The following PRODH2 variants were observed in gnomAD, a reference collection of about 807,000 sequenced individuals.
PRODH2 encodes proline dehydrogenase 2, also known as hydroxyproline dehydrogenase.
PRODH2 carries 49 observed loss-of-function variants against 51.9 expected under a neutral mutation model. The ratio of observed to expected loss-of-function variants is 0.94; its 90% CI spans 0.75 to 1.20. PRODH2 has a LOEUF of 1.20. PRODH2 is among the 50% of genes most tolerant of loss of function. The probability of loss-of-function intolerance (pLI) is 0.00; values close to 1 mark genes in which losing one functional copy is unlikely to be tolerated. For missense variants in PRODH2, 597 were observed against 610.9 expected, an observed-to-expected ratio of 0.98 and a Z score of 0.24; for synonymous variants, 249 against 260.7, an observed-to-expected ratio of 0.96 and a Z score of 0.43.
At position 35,802,998 on chromosome 19, in the gene PRODH2, T is replaced by C. The variant is rs868539812; in HGVS notation, c.1082A>G (p.Asn361Ser). 4.5e-6 allele frequency: 7 copies of C among 1,572,816 alleles called. No homozygotes were observed. The highest frequency in any genetic ancestry group is 2.3e-5 in the East Asian group (1 of 43,512). The change falls in exon 8 of 10, where the codon AAT becomes AGT. Residue 361 changes from asparagine (N) to serine (S), a missense_variant. Transcript: ENST00000653904. ...PMCHLMVASH[N>S]EESVRQATKR... The stretch of plus-strand genomic sequence containing the variant: ...GGTTGCCTGGCGAACAGATTCCTCA[T>C]TGTGGGAAGCCACCATGAGGTGGCA...
chr19:35,812,321 C>G (rs774201095), intron 2 of PRODH2, 39 bp downstream of exon 2: 2 of 1,609,828 alleles, frequency 1.2e-6, no homozygotes, highest in African/African-American at 1.3e-5. Flanking sequence ...CCCCTTCCTG[C>G]GTCCTCCCAG....
At chr19:35,810,835 G>T (rs1972596922) in intron 4 of PRODH2, among the ~76,000 whole-genome samples, 1 of 152,126 alleles carries the variant, frequency 6.6e-6, no homozygotes, top group Admixed American at 6.6e-5. Context: ...TCTAAATCTT[G>T]ATAGGGATTT....
chr19:35,807,002 G>A, intron 5 of PRODH2, 39 bp downstream of exon 5: 1 of 1,548,252 alleles, frequency 6.5e-7, no homozygotes, highest in South Asian at 1.2e-5. Context: ...AGGCGGCAGA[G>A]GGAGGCCCGG....
intron 3 of PRODH2, 43 bp from the exon 4 acceptor site, chr19:35,812,091 G>A (rs1451809242): frequency 1.2e-6 from 2 of 1,613,780 alleles, no homozygotes; most frequent in Admixed American, 1.7e-5. Flanking sequence ...GAGCCCGATG[G>A]GCAGCCGCGC....
intron 4 of PRODH2, among the ~76,000 whole-genome samples, chr19:35,810,440 G>A (rs867522381): frequency 6.6e-6 from 1 of 151,486 alleles, no homozygotes; most frequent in Non-Finnish European, 1.5e-5. Context: ...GCAGCAGCTA[G>A]AATCAACTAT....
In PRODH2 at chr19:35,800,151, G is replaced by T; in HGVS notation, c.1270C>A (p.Arg424=). 6.2e-7 allele frequency: 1 copy of T among 1,604,452 alleles called. No individual in the cohort carries two copies. The highest frequency in any genetic ancestry group is 2.2e-5 in the East Asian group (1 of 44,524). ...ACGCTCCGGTTCTCCTGGGCCCTCCGGATCAGGTAGGGGATTACCTCCTCC... is the reference window on the plus strand; with the variant it reads ...ACGCTCCGGTTCTCCTGGGCCCTCCTGATCAGGTAGGGGATTACCTCCTCC... ...SLEEVIPYLI[R]RAQENRSVLQ... is the part of the protein sequence containing the mutation. The change falls in exon 10 of 10, where the codon CGG becomes AGG. Residue 424 remains arginine, a synonymous_variant. Coordinates refer to ENST00000653904, the MANE Select transcript of PRODH2 (RefSeq NM_021232.2).
In PRODH2 at chr19:35,809,958, CAAA is replaced by C. The variant is rs1175392997; in HGVS notation, c.597+2001_597+2003del. ...TGGGCAACAGAGCCAGATGCCGCTTCAAAAAAAAAAAAAAAAAAAAAAAAAAAC... is the reference window on the plus strand; with the variant it reads ...TGGGCAACAGAGCCAGATGCCGCTTCAAAAAAAAAAAAAAAAAAAAAAAAC... On this transcript the variant is annotated intron_variant, in intron 4 of 9. Coordinates refer to ENST00000653904, the MANE Select transcript of PRODH2 (RefSeq NM_021232.2). 6.2e-4 allele frequency among the ~76,000 whole-genome samples: 8 copies of C among 12,822 alleles called. No homozygotes were observed. In the East Asian group the frequency reaches 0.01, roughly 17 times the overall value. The allele number at this position is 12,822 out of a possible 152,430, so 8.4% of individuals were successfully genotyped here.
intron 4 of PRODH2, among the ~76,000 whole-genome samples, chr19:35,809,973 A>AAAAAAAC (rs1568442963): frequency 2.3e-4 from 32 of 140,706 alleles, no homozygotes; most frequent in African/African-American, 8.2e-4. Context: ...AAAAAAAAAA[A>AAAAAAAC]AAAAAAAAAA....
intron 7 of PRODH2, 88 bp from the exon 8 acceptor site, chr19:35,803,166 G>T (rs971149105): frequency 1.2e-6 from 1 of 827,268 alleles, no homozygotes; most frequent in Middle Eastern, 3.3e-4. Flanking sequence ...TAAGCAAGGG[G>T]TCTCTGGAAC....
At chr19:35,803,219 T>C (rs1266234352) in intron 7 of PRODH2, 141 bp from the exon 8 acceptor site, 1 of 460,632 alleles carries the variant, frequency 2.2e-6, no homozygotes, top group African/African-American at 2.0e-5. Context: ...GGACATCACT[T>C]CTCTGAGCCA....
Position 35,812,723 on chromosome 19 carries a change from G to T in PRODH2, c.83C>A (p.Ala28Asp). Residue 28 changes from alanine to aspartate, a missense_variant, in exon 1 of 10, where the codon GCC becomes GAC. Ala to Asp is a moderately radical substitution (Grantham distance 126). Transcript: ENST00000653904. ...GWQSLSFDGGAFHLKGTGELT... is the reference protein window; with the variant it reads ...GWQSLSFDGGDFHLKGTGELT... ...CTCTCCTGTGCCCTTAAGGTGGAAG[G>T]CCCCGCCATCAAAGCTCAGGGACTG... The T allele has an allele frequency of 3.1e-6, 5 of 1,611,678 alleles. No homozygotes were observed. Among genetic ancestry groups the T allele is most frequent in the Non-Finnish European group, 4.2e-6 (5 of 1,178,492 alleles).
At position 35,807,778 on chromosome 19, in the gene PRODH2, T is replaced by C. The variant is rs149552420; in HGVS notation, c.598-657A>G. Among the ~76,000 whole-genome samples, 11 of 152,174 alleles carry C rather than the reference T, an allele frequency of 7.2e-5. No individual in the cohort carries two copies. In the East Asian group the frequency reaches 2.1e-3, roughly 29 times the overall value. On this transcript the variant is annotated intron_variant, in intron 4 of 9. Coordinates refer to ENST00000653904, the MANE Select transcript of PRODH2 (RefSeq NM_021232.2). The stretch of plus-strand genomic sequence containing the variant: ...TTATTTTCCCTTACTTGTTACGTAC[T>C]GACTTTTGTTTTGCTGAGACGGGGT...
chr19:35,812,350 C>CA lies in PRODH2; in HGVS notation c.371+9_371+10insT. 1 of 1,610,662 alleles carries CA rather than the reference C, an allele frequency of 6.2e-7. No homozygotes were observed. Among genetic ancestry groups the CA allele is most frequent in the Non-Finnish European group, 8.5e-7 (1 of 1,177,392 alleles). The stretch of plus-strand genomic sequence containing the variant: ...CTCCCAGCCTCCCTGGGCCCTGGCT[C>CA]CCTACTCACCCACTCTTGGCAGCAG... On this transcript the variant is annotated intron_variant, in intron 2 of 9. Transcript: ENST00000653904.
At position 35,806,843 on chromosome 19, in the gene PRODH2, G is replaced by C; in HGVS notation, c.679-13C>G. The C allele has an allele frequency of 1.3e-6, 2 of 1,586,998 alleles. No individual in the cohort carries two copies. The highest frequency in any genetic ancestry group is 2.3e-5 in the South Asian group (2 of 87,916). ...GGGCCCGGGCATACTGATGGCGACA[G>C]AGACGACGGTCAGGGCCCCGGGTGT... On this transcript the variant is annotated splice_polypyrimidine_tract_variant and intron_variant, in intron 5 of 9. Coordinates refer to ENST00000653904, the MANE Select transcript of PRODH2 (RefSeq NM_021232.2).
chr19:35,809,869 G>T (rs1972573782), intron 4 of PRODH2, among the ~76,000 whole-genome samples: 1 of 136,790 alleles, frequency 7.3e-6, no homozygotes, highest in Non-Finnish European at 1.5e-5. Context: ...TGGGGCAGGA[G>T]AATCGTTTGA....
chr19:35,806,350 CT>C, intron 7 of PRODH2, 79 bp downstream of exon 7: 1 of 1,537,676 alleles, frequency 6.5e-7, no homozygotes, highest in Non-Finnish European at 8.9e-7. Context: ...TCCCAAAGCA[CT>C]GGGATTACAG....
chr19:35,800,003 G>A lies in PRODH2; in HGVS notation c.*35C>T. ...GGACAGCAGCTTAGGCAGCACCTAA[G>A]GACTTTTATTGACCACATGACCCCC... On this transcript the variant is annotated 3_prime_UTR_variant, in exon 10 of 10. Coordinates refer to ENST00000653904, the MANE Select transcript of PRODH2 (RefSeq NM_021232.2). 2 of 1,583,824 alleles carry A rather than the reference G, an allele frequency of 1.3e-6. No individual in the cohort carries two copies. The highest frequency in any genetic ancestry group is 2.7e-5 in the African/African-American group (2 of 74,494).
chr19:35,806,620 T>C, intron 6 of PRODH2, 24 bp from the exon 7 acceptor site: 2 of 1,614,098 alleles, frequency 1.2e-6, no homozygotes, highest in Non-Finnish European at 1.7e-6. Flanking sequence ...AGGCAGGTTC[T>C]GGTAGGTCAG....
intron 4 of PRODH2, among the ~76,000 whole-genome samples, chr19:35,809,981 A>AAAAAAAC (rs1972581660): frequency 7.5e-6 from 1 of 133,496 alleles, no homozygotes; most frequent in East Asian, 2.1e-4. Flanking sequence ...AAAAAAAAAA[A>AAAAAAAC]AAAACGCTGG....
Sources: gnomAD v4.1 joint callset for allele counts (sites outside exome capture counted in the v4.1 genomes callset) on GRCh38, gnomAD v4.1.1 for gene constraint, MANE v1.5 for transcripts, NCBI Gene and HGNC (gene_info 2026-07-23, HGNC 2026-07-21) for gene names.